Variants in LAMB2 observed in about 807,000 individuals in gnomAD.
LAMB2 encodes laminin subunit beta 2, also known as laminin subunit beta-2.
A neutral mutation model predicts 202.7 loss-of-function variants in LAMB2; 119 were observed. The observed-to-expected ratio is 0.59, with a 90% confidence interval of 0.51 to 0.68. The LOEUF (loss-of-function observed/expected upper bound fraction) is 0.68, where lower values mean the gene tolerates loss of function less well. LAMB2 is among the 30% of genes least tolerant of loss of function. LAMB2 has a pLI of 0.00. For synonymous variants in LAMB2, 818 were observed against 902.2 expected, an observed-to-expected ratio of 0.91 and a Z score of 1.67; for missense variants, 2,124 against 2,410.6, an observed-to-expected ratio of 0.88 and a Z score of 2.49.
chr3:49,122,308 G>T lies in LAMB2; in HGVS notation c.4636C>A (p.Pro1546Thr), dbSNP rs1254651168. ...VATRVLELSIPASAEQIQHLA... is the reference protein window; with the variant it reads ...VATRVLELSITASAEQIQHLA... Reference sequence around the variant, plus strand: ...TGCTGGATCTGCTCAGCTGAAGCTGGGATGGAGAGCTCTAGCACCCGTGTG... The same window carrying T: ...TGCTGGATCTGCTCAGCTGAAGCTGTGATGGAGAGCTCTAGCACCCGTGTG... The change falls in exon 28 of 32, where the codon CCA (proline) becomes ACA (threonine). Residue 1546 changes from proline to threonine, a missense_variant. Physicochemically the swap from Pro to Thr is conservative, Grantham distance 38 (BLOSUM62 -1). Transcript: ENST00000305544. 1 of 1,613,564 alleles carries T rather than the reference G, an allele frequency of 6.2e-7. No homozygotes were observed. Among genetic ancestry groups the T allele is most frequent in the Non-Finnish European group, 8.5e-7 (1 of 1,180,038 alleles).
chr3:49,124,144 A>C (rs1454738879), intron 23 of LAMB2, 44 bp from the exon 24 acceptor site: 2 of 1,614,152 alleles, frequency 1.2e-6, no homozygotes, highest in Non-Finnish European at 1.7e-6. Context: ...ACTGTGGGGC[A>C]TTCTGGGAAG....
chr3:49,122,085 C>T lies in LAMB2; in HGVS notation c.4782G>A (p.Arg1594=). The T allele has an allele frequency of 6.2e-7, 1 of 1,613,364 alleles. No individual in the cohort carries two copies. The highest frequency in any genetic ancestry group is 8.5e-7 in the Non-Finnish European group (1 of 1,180,020). ...TCTGTTTCTCATCCTCAGCCCAGCT[C>T]CTGGGGAGAAGGGGGAATCAGAACC... ...EQLLQDARRA[R]SWAEDEKQKA... is the part of the protein sequence containing the mutation. The change falls in exon 29 of 32, where the codon AGG becomes AGA. Residue 1594 remains arginine, a splice_region_variant and synonymous_variant. Coordinates refer to ENST00000305544, the MANE Select transcript of LAMB2 (RefSeq NM_002292.4).
rs1422612510 is a variant in LAMB2, at chr3:49,131,150, G to A, written c.715C>T (p.Leu239=). 2 of 1,613,440 alleles carry A rather than the reference G, an allele frequency of 1.2e-6. No individual in the cohort carries two copies. The highest frequency in any genetic ancestry group is 3.4e-4 in the Middle Eastern group (2 of 5,878). The part of the protein sequence containing the change: ...PDPYSSRIQN[L]LKITNLRVNL... ...ACCCGTAGGTTGGTGATCTTCAACA[G>A]GTCTGAGGCGGGGGAAGGGGGGCCA... The change falls in exon 7 of 32, where the codon CTG becomes TTG. Residue 239 remains leucine, a splice_region_variant and synonymous_variant. Coordinates refer to ENST00000305544, the MANE Select transcript of LAMB2 (RefSeq NM_002292.4). This position sits in a 1 kb window ranked among gnomAD's most constrained non-coding sequence, Gnocchi z 5.0.
Position 49,124,993 on chromosome 3 carries a change from C to A in LAMB2, c.2884+13G>T. ...AACTCACCCTGATCCCACGCCTGCC[C>A]CCATCCACTCACCCGTATAGCCTGC... On this transcript the variant is annotated intron_variant, in intron 20 of 31. Transcript: ENST00000305544. The A allele has an allele frequency of 6.2e-7, 1 of 1,613,976 alleles. No homozygotes were observed. The highest frequency in any genetic ancestry group is 8.5e-7 in the Non-Finnish European group (1 of 1,180,032).
rs760559709 is a variant in LAMB2, at chr3:49,132,690, G to T, written c.77-27C>A. Reference sequence around the variant, plus strand: ...TGGGGACAGTAGCTCAGTCAGTTCCGCTGAGTTCCTATCCAGTGGCTCCAC... The same window carrying T: ...TGGGGACAGTAGCTCAGTCAGTTCCTCTGAGTTCCTATCCAGTGGCTCCAC... On this transcript the variant is annotated intron_variant, in intron 1 of 31. Transcript: ENST00000305544. The surrounding 1 kb of genome is among the most constrained non-coding windows in gnomAD (Gnocchi z 4.6). 19 of 1,613,942 alleles carry T rather than the reference G, an allele frequency of 1.2e-5. No homozygotes were observed. The Admixed American group carries it at 3.0e-4, about 25-fold the overall frequency.
chr3:49,123,764 G>C lies in LAMB2; in HGVS notation c.3761C>G (p.Ser1254Cys). ...IVGARNTSAA[S>C]TAQLVEATEE... is the part of the protein sequence containing the mutation. ...TGTGGCCTCCACAAGCTGTGCAGTG[G>C]AGGCGGCTGAGGTGTTGCGGGCACC... Residue 1254 changes from serine (S) to cysteine (C), a missense_variant, in exon 24 of 32, where the codon TCC becomes TGC. This residue lies in a region of LAMB2 where 1,702 missense variants were observed against 1,896.3 expected (regional missense o/e 0.90). Coordinates refer to ENST00000305544, the MANE Select transcript of LAMB2 (RefSeq NM_002292.4). The C allele has an allele frequency of 5.0e-6, 8 of 1,613,408 alleles. No homozygotes were observed. Among genetic ancestry groups the C allele is most frequent in the Non-Finnish European group, 6.8e-6 (8 of 1,180,044 alleles).
chr3:49,124,005 C>A lies in LAMB2; in HGVS notation c.3520G>T (p.Asp1174Tyr). 1 of 1,613,540 alleles carries A rather than the reference C, an allele frequency of 6.2e-7. No homozygotes were observed. ...CCTGAGAAGCCACGGGCACACTGGTCACAGCGCACACCAGACACCCCTGGG... is the reference window on the plus strand; with the variant it reads ...CCTGAGAAGCCACGGGCACACTGGTAACAGCGCACACCAGACACCCCTGGG... ...CRPGVSGVRC[D>Y]QCARGFSGIF... Residue 1174 changes from aspartate (D) to tyrosine (Y), a missense_variant, in exon 24 of 32, where the codon GAC becomes TAC. Physicochemically the swap from Asp to Tyr is radical, Grantham distance 160. Transcript: ENST00000305544.
rs2045481192 is a variant in LAMB2, at chr3:49,131,476, C to T, written c.649-34G>A. ...GCAGGGAGTTCATAGTCACACTGGA[C>T]CTTGCCTCAGGCCCATCATCCCCAG... On this transcript the variant is annotated intron_variant, in intron 5 of 31. Coordinates refer to ENST00000305544, the MANE Select transcript of LAMB2 (RefSeq NM_002292.4). The surrounding 1 kb of genome is among the most constrained non-coding windows in gnomAD (Gnocchi z 5.0). The T allele has an allele frequency of 1.9e-6, 3 of 1,613,888 alleles. No homozygotes were observed. The highest frequency in any genetic ancestry group is 2.7e-5 in the African/African-American group (2 of 74,904).
Position 49,130,503 on chromosome 3 carries a change from C to T in LAMB2, c.1037-84G>A. ...GAAGTAGGCCACCTTAGATCCCTATCACAGGCCAGAATTTGTGGGTAGGGG... is the reference window on the plus strand; with the variant it reads ...GAAGTAGGCCACCTTAGATCCCTATTACAGGCCAGAATTTGTGGGTAGGGG... On this transcript the variant is annotated intron_variant, in intron 8 of 31. Transcript: ENST00000305544. The surrounding 1 kb of genome is among the most constrained non-coding windows in gnomAD (Gnocchi z 5.0). 1 of 1,532,056 alleles carries T rather than the reference C, an allele frequency of 6.5e-7. No homozygotes were observed. The highest frequency in any genetic ancestry group is 9.0e-7 in the Non-Finnish European group (1 of 1,108,688). 94.9% of individuals were successfully genotyped at this position (1,532,056 alleles called of 1,614,324 possible).
Position 49,122,003 on chromosome 3 carries a change from G to C in LAMB2, c.4864C>G (p.Gln1622Glu). The stretch of plus-strand genomic sequence containing the variant: ...GCCACTGCCCCCCGGATGGCACCCT[G>C]GGCAATACCCTGTGCCCGCTGGGCC... ...EEAQRAQGIA[Q>E]GAIRGAVADT... The change falls in exon 29 of 32, where the codon CAG becomes GAG. Residue 1622 changes from glutamine to glutamate, a missense_variant. This residue lies in a region of LAMB2 where 1,702 missense variants were observed against 1,896.3 expected (regional missense o/e 0.90). Transcript: ENST00000305544. 1 of 1,613,790 alleles carries C rather than the reference G, an allele frequency of 6.2e-7. No homozygotes were observed. Among genetic ancestry groups the C allele is most frequent in the Non-Finnish European group, 8.5e-7 (1 of 1,180,010 alleles).
chr3:49,131,529 C>T lies in LAMB2; in HGVS notation c.648+6G>A, dbSNP rs778814412. On this transcript the variant is annotated splice_donor_region_variant and intron_variant, in intron 5 of 31. Transcript: ENST00000305544. The surrounding 1 kb of genome is among the most constrained non-coding windows in gnomAD (Gnocchi z 5.0). Reference sequence around the variant, plus strand: ...TCCAGCCCCCAGCCCAGATGCCAGCCCTCACCTCGCCTTCAGTGGATGGCT... The same window carrying T: ...TCCAGCCCCCAGCCCAGATGCCAGCTCTCACCTCGCCTTCAGTGGATGGCT... The T allele has an allele frequency of 6.2e-7, 1 of 1,614,014 alleles. No homozygotes were observed. The highest frequency in any genetic ancestry group is 2.2e-5 in the East Asian group (1 of 44,882).
intron 15 of LAMB2, among the ~76,000 whole-genome samples, chr3:49,126,863 T>A (rs1411100171): frequency 6.6e-6 from 1 of 152,166 alleles, no homozygotes; most frequent in Non-Finnish European, 1.5e-5. Flanking sequence ...TGTCGCCCCC[T>A]CTCTCTTTGT....
intron 15 of LAMB2, among the ~76,000 whole-genome samples, 154 bp from the exon 16 acceptor site, chr3:49,126,651 G>A (rs1281225394): frequency 6.6e-6 from 1 of 152,146 alleles, no homozygotes; most frequent in East Asian, 1.9e-4. Flanking sequence ...ACAAACAGCT[G>A]GGCAGCCCAA....
Position 49,124,390 on chromosome 3 carries a change from C to CT in LAMB2, c.3327+4_3327+5insA. On this transcript the variant is annotated splice_donor_region_variant and intron_variant, in intron 22 of 31. Transcript: ENST00000305544. ...TAACCAGGGATCTGCAGGAGGGTCC[C>CT]ATACCTCGTTGCAGGTGGGGCCTCT... 6.2e-7 allele frequency: 1 copy of CT among 1,613,544 alleles called. No homozygotes were observed. Among genetic ancestry groups the CT allele is most frequent in the Non-Finnish European group, 8.5e-7 (1 of 1,179,754 alleles).
chr3:49,130,011 A>G lies in LAMB2; in HGVS notation c.1233T>C (p.Asp411=). 1 of 1,614,032 alleles carries G rather than the reference A, an allele frequency of 6.2e-7. No homozygotes were observed. Among genetic ancestry groups the G allele is most frequent in the Non-Finnish European group, 8.5e-7 (1 of 1,180,022 alleles). ...CGTCTTGAGAACCCATGGGGTCACAATCACAGGCTGACGGCAAAAAGAGAT... is the reference window on the plus strand; with the variant it reads ...CGTCTTGAGAACCCATGGGGTCACAGTCACAGGCTGACGGCAAAAAGAGAT... ...LRDPAVCRSC[D]CDPMGSQDGG... The change falls in exon 10 of 32, where the codon GAT becomes GAC. Residue 411 remains aspartate (D), a synonymous_variant. Transcript: ENST00000305544. The surrounding 1 kb of genome is among the most constrained non-coding windows in gnomAD (Gnocchi z 5.0).
At chr3:49,127,889 G>A (rs1295557640) in intron 15 of LAMB2, among the ~76,000 whole-genome samples, 13 of 150,814 alleles carry the variant, frequency 8.6e-5, no homozygotes, top group African/African-American at 2.2e-4. Flanking sequence ...GCGTGGTGGC[G>A]TGCACCTGTA....
Position 49,122,178 on chromosome 3 carries a change from T to C in LAMB2, c.4766A>G (p.Asp1589Gly), listed in dbSNP as rs772370353. 6.2e-7 allele frequency: 1 copy of C among 1,613,588 alleles called. No homozygotes were observed. Among genetic ancestry groups the C allele is most frequent in the South Asian group, 1.1e-5 (1 of 91,086 alleles). The change falls in exon 28 of 32, where the codon GAT (aspartate) becomes GGT (glycine). Residue 1589 changes from aspartate (D) to glycine (G), a missense_variant. Transcript: ENST00000305544. Reference sequence around the variant, plus strand: ...GGGGTCAGACCTTGCCCGCCGTGCATCCTGCAGTAGCTGCTCGGCACGACG... The same window carrying C: ...GGGGTCAGACCTTGCCCGCCGTGCACCCTGCAGTAGCTGCTCGGCACGACG... The part of the protein sequence containing the change: ...DVRRAEQLLQ[D>G]ARRARSWAED...
At position 49,132,179 on chromosome 3, in the gene LAMB2, C is replaced by T. The variant is rs558969696; in HGVS notation, c.396G>A (p.Ala132=). Residue 132 remains alanine, a synonymous_variant, in exon 4 of 32, where the codon GCG becomes GCA. Transcript: ENST00000305544. This position sits in a 1 kb window ranked among gnomAD's most constrained non-coding sequence, Gnocchi z 4.6. ...CCTCCAGGTCCAGCTGGATGGTGACCGCAGGGATACCTGGGACAGGAATCG... is the reference window on the plus strand; with the variant it reads ...CCTCCAGGTCCAGCTGGATGGTGACTGCAGGGATACCTGGGACAGGAATCG... ...AWWQSENGIP[A]VTIQLDLEAE... is the part of the protein sequence containing the mutation. The T allele has an allele frequency of 1.7e-5, 28 of 1,614,122 alleles. No individual in the cohort carries two copies. The Admixed American group carries it at 3.7e-4, about 21-fold the overall frequency.
In LAMB2 at chr3:49,122,754, G is replaced by C; in HGVS notation, c.4523C>G (p.Ala1508Gly). ...ANASRGQVEQ[A>G]NQELQELIQS... ...GATAAGTTCTTGAAGTTCCTGGTTG[G>C]CCTGTTCCACCTGTCCCCTGGAAGC... The change falls in exon 27 of 32, where the codon GCC becomes GGC. Residue 1508 changes from alanine to glycine, a missense_variant. By Grantham distance (60) the Ala-to-Gly change is moderately conservative. Around this residue, in one of 3 missense-constraint regions of LAMB2, gnomAD observed 1,702 missense variants for 1,896.3 expected, o/e 0.90. Coordinates refer to ENST00000305544, the MANE Select transcript of LAMB2 (RefSeq NM_002292.4). The C allele has an allele frequency of 6.2e-7, 1 of 1,614,122 alleles. No homozygotes were observed. Among genetic ancestry groups the C allele is most frequent in the Non-Finnish European group, 8.5e-7 (1 of 1,180,016 alleles).
Sources: allele counts gnomAD v4.1 joint callset (sites outside exome capture counted in the v4.1 genomes callset), GRCh38; gene constraint gnomAD v4.1.1; regional missense constraint gnomAD v4.1.1; non-coding constraint Gnocchi (gnomAD v3.1); transcripts MANE v1.5; gene names NCBI Gene and HGNC (gene_info 2026-07-23, HGNC 2026-07-21).